Variants in ULK4 observed in about 807,000 individuals in gnomAD.
ULK4 encodes inactive serine/threonine-protein kinase ULK4.
A neutral mutation model predicts 160.6 loss-of-function variants in ULK4; 133 were observed. The ratio of observed to expected loss-of-function variants is 0.83; its 90% CI spans 0.72 to 0.96. The LOEUF (loss-of-function observed/expected upper bound fraction) is 0.96, where lower values mean the gene tolerates loss of function less well. ULK4 is among the 40% of genes least tolerant of loss of function. ULK4 has a pLI of 0.00. For missense variants in ULK4, 1,580 were observed against 1,499.5 expected, an observed-to-expected ratio of 1.05 and a Z score of -0.89; for synonymous variants, 534 against 539.8, an observed-to-expected ratio of 0.99 and a Z score of 0.15.
intron 35 of ULK4, among the ~76,000 whole-genome samples, chr3:41,382,405 A>G (rs74804729): frequency 6.6e-6 from 1 of 152,358 alleles, no homozygotes; most frequent in East Asian, 1.9e-4. Flanking sequence ...GAATGACTTC[A>G]TAATATTGTT....
chr3:41,426,376 T>A (rs976251566), intron 34 of ULK4, among the ~76,000 whole-genome samples: 1 of 152,052 alleles, frequency 6.6e-6, no homozygotes, highest in Non-Finnish European at 1.5e-5. Flanking sequence ...GACAGAAAAT[T>A]AACAAGGATA....
chr3:41,357,827 G>T (rs2081057376), intron 35 of ULK4, among the ~76,000 whole-genome samples: 2 of 152,292 alleles, frequency 1.3e-5, no homozygotes, highest in South Asian at 4.1e-4. Flanking sequence ...GAGTCACGGA[G>T]GATCCAAAGA....
intron 32 of ULK4, among the ~76,000 whole-genome samples, chr3:41,526,803 T>A: frequency 6.6e-6 from 1 of 152,212 alleles, no homozygotes; most frequent in East Asian, 1.9e-4. Context: ...TGGAGTGTTG[T>A]AGGGTTTTTT....
At chr3:41,842,061 C>T (rs1035050485) in intron 17 of ULK4, among the ~76,000 whole-genome samples, 1 of 151,238 alleles carries the variant, frequency 6.6e-6, no homozygotes, top group African/African-American at 2.4e-5. Context: ...TGTTTATATG[C>T]TGACCTTCTC....
intron 14 of ULK4, among the ~76,000 whole-genome samples, chr3:41,897,576 T>G (rs1559636278): frequency 1.3e-5 from 2 of 152,138 alleles, no homozygotes; most frequent in African/African-American, 4.8e-5. Flanking sequence ...AAATATAATC[T>G]CCTAAATAAC....
intron 22 of ULK4, among the ~76,000 whole-genome samples, chr3:41,723,454 TTGAC>T (rs1295459753): frequency 6.6e-6 from 1 of 152,140 alleles, no homozygotes; most frequent in African/African-American, 2.4e-5. Flanking sequence ...CCACTAGAAA[TTGAC>T]TGATCATGTG....
At chr3:41,327,854 C>T (rs1056763377) in intron 35 of ULK4, among the ~76,000 whole-genome samples, 1 of 152,186 alleles carries the variant, frequency 6.6e-6, no homozygotes, top group East Asian at 1.9e-4. Context: ...GAAAGGAGCA[C>T]AGGCAGAGGG....
At chr3:41,827,526 T>C (rs1450484583) in intron 18 of ULK4, among the ~76,000 whole-genome samples, 12 of 151,960 alleles carry the variant, frequency 7.9e-5, no homozygotes, top group South Asian at 6.2e-4. Flanking sequence ...AACACCTCTA[T>C]GCAAATAAAC....
At chr3:41,441,900 G>C (rs772122977) in intron 34 of ULK4, among the ~76,000 whole-genome samples, 1 of 152,030 alleles carries the variant, frequency 6.6e-6, no homozygotes, top group Non-Finnish European at 1.5e-5. Flanking sequence ...ATTGACTATC[G>C]TATCATTAGG....
At chr3:41,630,395 C>T (rs958689910) in intron 30 of ULK4, among the ~76,000 whole-genome samples, 3 of 152,150 alleles carry the variant, frequency 2.0e-5, no homozygotes, top group African/African-American at 7.2e-5. Flanking sequence ...TCTCTCAGCT[C>T]GTAGAGCCAC....
intron 35 of ULK4, among the ~76,000 whole-genome samples, chr3:41,365,527 T>C (rs1217915558): frequency 6.6e-6 from 1 of 152,238 alleles, no homozygotes; most frequent in Non-Finnish European, 1.5e-5. Context: ...TTTCAAGCAC[T>C]TATGCTCCAG....
intron 2 of ULK4, among the ~76,000 whole-genome samples, chr3:41,943,780 C>T (rs1700034352): frequency 2.0e-5 from 3 of 152,178 alleles, no homozygotes; most frequent in African/African-American, 7.2e-5. Flanking sequence ...AAAACCTCCC[C>T]TTGTATACAT....
intron 35 of ULK4, among the ~76,000 whole-genome samples, chr3:41,288,827 G>A (rs1010740363): frequency 1.3e-5 from 2 of 152,306 alleles, no homozygotes; most frequent in East Asian, 3.9e-4. Context: ...TGTATACTGA[G>A]AGGAAAAACC....
chr3:41,874,532 G>C (rs1280072684), intron 17 of ULK4, among the ~76,000 whole-genome samples: 1 of 152,176 alleles, frequency 6.6e-6, no homozygotes, highest in Non-Finnish European at 1.5e-5. Context: ...CAAAAAACAT[G>C]AGGACATAGA....
At chr3:41,568,748 C>T (rs189257197) in intron 31 of ULK4, among the ~76,000 whole-genome samples, 129 of 152,256 alleles carry the variant, frequency 8.5e-4, no homozygotes, top group African/African-American at 3.0e-3. Flanking sequence ...AGCAAGCAAT[C>T]GATTCTGCAG....
intron 2 of ULK4, among the ~76,000 whole-genome samples, chr3:41,946,033 G>A (rs1226964239): frequency 4.4e-5 from 1 of 22,710 alleles, no homozygotes; most frequent in African/African-American, 5.4e-5. Context: ...AGAAAGAGAC[G>A]GGCAGGGGGC....
chr3:41,906,216 CAAAAA>C (rs58001920), intron 12 of ULK4, among the ~76,000 whole-genome samples: 3 of 67,114 alleles, frequency 4.5e-5, no homozygotes, highest in African/African-American at 6.4e-5. Context: ...GACTCCGTCT[CAAAAA>C]AAAAAAAAAA....
intron 31 of ULK4, among the ~76,000 whole-genome samples, chr3:41,570,591 G>C (rs2125611037): frequency 6.6e-6 from 1 of 152,310 alleles, no homozygotes; most frequent in East Asian, 1.9e-4. Context: ...ATATAGGTCA[G>C]TCTTACTAGA....
At chr3:41,473,661 C>CA (rs1294599838) in intron 32 of ULK4, among the ~76,000 whole-genome samples, 870 of 24,566 alleles carry the variant, frequency 0.035, 59 homozygotes, top group Non-Finnish European at 0.038. Flanking sequence ...GATTCTGTCT[C>CA]AAAGAAAAAA....
Sources: allele counts gnomAD v4.1 joint callset (sites outside exome capture counted in the v4.1 genomes callset), GRCh38; gene constraint gnomAD v4.1.1; transcripts MANE v1.5; gene names NCBI Gene and HGNC (gene_info 2026-07-23, HGNC 2026-07-21).